The following ZNF750 variants were observed in gnomAD, a reference collection of about 807,000 sequenced individuals.
ZNF750 encodes zinc finger protein 750, also known as protein ZNF750.
Under a neutral mutation model 31.6 loss-of-function variants are expected in ZNF750, and 10 were observed. The ratio of observed to expected loss-of-function variants is 0.32; its 90% CI spans 0.19 to 0.54. ZNF750 has a LOEUF of 0.54. Among genes scored for constraint, ZNF750 ranks in the 20% least tolerant of loss-of-function variants. The pLI is 0.95. For missense variants in ZNF750, 914 were observed against 934.9 expected (o/e 0.98, Z 0.29); for synonymous variants, 400 against 404.9 (o/e 0.99, Z 0.15).
chr17:82,839,053 T>G, intron 1 of ZNF750: 1 of 880,038 alleles, frequency 1.1e-6, no homozygotes, highest in Non-Finnish European at 1.4e-6. Flanking sequence ...ACAGAAGACC[T>G]TAACAACCAA....
Position 82,832,617 on chromosome 17 carries a change from C to T in ZNF750, c.-163G>A, listed in dbSNP as rs1249691778. 9 of 675,694 alleles carry T rather than the reference C, an allele frequency of 1.3e-5. No individual in the cohort carries two copies. Among genetic ancestry groups the T allele is most frequent in the Admixed American group, 4.9e-5 (2 of 40,738 alleles). 41.9% of individuals were successfully genotyped at this position (675,694 alleles called of 1,614,324 possible). A position where few individuals can be genotyped will look rare whatever the true frequency, so the allele number is the denominator to read the frequency against. ...GTGCTGAGGGTCTGGCGAGAGCCTC[C>T]GTCATCTGGCGGCTGGGAGCTGTAA... On this transcript the variant is annotated 5_prime_UTR_variant, in exon 2 of 3. Coordinates refer to ENST00000269394, the MANE Select transcript of ZNF750 (RefSeq NM_024702.3). The surrounding 1 kb of genome is among the most constrained non-coding windows in gnomAD (Gnocchi z 4.9).
chr17:82,831,901 T>C lies in ZNF750; in HGVS notation c.554A>G (p.His185Arg), dbSNP rs1386739035. ...AGACACGGCCTTGGCAGTGGGGTTG[T>C]GTAAAGCCAGTGTCTCGGGCGCCTC... Reference protein sequence around the residue: ...NAEAPETLALHNPTAKAVSFH... With the variant: ...NAEAPETLALRNPTAKAVSFH... The change falls in exon 2 of 3, where the codon CAC becomes CGC. Residue 185 changes from histidine to arginine, a missense_variant. Transcript: ENST00000269394. The surrounding 1 kb of genome is among the most constrained non-coding windows in gnomAD (Gnocchi z 4.6). 2.5e-6 allele frequency: 4 copies of C among 1,614,024 alleles called. No individual in the cohort carries two copies. In the East Asian group the frequency reaches 6.7e-5, roughly 27 times the overall value.
At chr17:82,834,685 G>A (rs1277627944) in intron 1 of ZNF750, among the ~76,000 whole-genome samples, 1 of 151,888 alleles carries the variant, frequency 6.6e-6, no homozygotes, top group Non-Finnish European at 1.5e-5. Context: ...CATGGACACA[G>A]GGAGGGGAAC....
intron 1 of ZNF750, among the ~76,000 whole-genome samples, chr17:82,834,438 A>G (rs1471428467): frequency 6.6e-6 from 1 of 152,252 alleles, no homozygotes; most frequent in Non-Finnish European, 1.5e-5. Flanking sequence ...AATATTTTCA[A>G]ACAGCTTAAA....
At position 82,830,380 on chromosome 17, in the gene ZNF750, C is replaced by A. The variant is rs1378356223; in HGVS notation, c.1934G>T (p.Ser645Ile). 1.2e-6 allele frequency: 2 copies of A among 1,612,574 alleles called. No individual in the cohort carries two copies. Among genetic ancestry groups the A allele is most frequent in the African/African-American group, 2.7e-5 (2 of 74,948 alleles). ...ATCGCCCACCCGGATGTTCCTGGGGCTGTAGGCCGCCAGCTGGCACAGGGC... is the reference window on the plus strand; with the variant it reads ...ATCGCCCACCCGGATGTTCCTGGGGATGTAGGCCGCCAGCTGGCACAGGGC... Reference protein sequence around the residue: ...AVALCQLAAYSPRNIRVGDGD... With the variant: ...AVALCQLAAYIPRNIRVGDGD... Residue 645 changes from serine (S) to isoleucine (I), a missense_variant, in exon 3 of 3, where the codon AGC (serine) becomes ATC (isoleucine). By Grantham distance (142) the Ser-to-Ile change is moderately radical. Coordinates refer to ENST00000269394, the MANE Select transcript of ZNF750 (RefSeq NM_024702.3).
rs1012642778 is a variant in ZNF750, at chr17:82,836,697, A to C, written c.-183+3230T>G. Among the ~76,000 whole-genome samples, 4 of 143,264 alleles carry C rather than the reference A, an allele frequency of 2.8e-5. No individual in the cohort carries two copies. In the South Asian group the frequency reaches 6.2e-4, roughly 22 times the overall value. The allele number at this position is 143,264 out of a possible 152,430, so 94.0% of individuals were successfully genotyped here. ...GCTGATACTTTTAGGCAAAAAAAAA[A>C]ACAAAACAAAACAAAACCAAAAAAC... On this transcript the variant is annotated intron_variant, in intron 1 of 2. Transcript: ENST00000269394.
At position 82,835,303 on chromosome 17, in the gene ZNF750, C is replaced by T. The variant is rs538351849; in HGVS notation, c.-182-2667G>A. 2.6e-5 allele frequency among the ~76,000 whole-genome samples: 4 copies of T among 152,314 alleles called. No individual in the cohort carries two copies. The highest frequency in any genetic ancestry group is 9.6e-5 in the African/African-American group (4 of 41,564). ...TCCTCCCTGCACCCGTGTCCTTCCT[C>T]CCACACGCCAGGGGCCAGGGGTGGT... On this transcript the variant is annotated intron_variant, in intron 1 of 2. Coordinates refer to ENST00000269394, the MANE Select transcript of ZNF750 (RefSeq NM_024702.3). This position sits in a 1 kb window ranked among gnomAD's most constrained non-coding sequence, Gnocchi z 4.5.
chr17:82,838,591 C>T (rs2054186367), intron 1 of ZNF750: 1 of 948,474 alleles, frequency 1.1e-6, no homozygotes, highest in Non-Finnish European at 1.3e-6. Flanking sequence ...CCATTGTCGC[C>T]TACCCACTGT....
chr17:82,838,818 G>A (rs768439170), intron 1 of ZNF750: 5 of 985,412 alleles, frequency 5.1e-6, no homozygotes, highest in Middle Eastern at 5.2e-4. Context: ...AGGAGATCCC[G>A]AGTTACAGAC....
In ZNF750 at chr17:82,833,712, C is replaced by T. The variant is rs578227737; in HGVS notation, c.-182-1076G>A. Reference sequence around the variant, plus strand: ...AGAGGAGACCAGAGTGAGTAGTATCCGCTTTAGAGATGGTTGGGTCATGGG... The same window carrying T: ...AGAGGAGACCAGAGTGAGTAGTATCTGCTTTAGAGATGGTTGGGTCATGGG... On this transcript the variant is annotated intron_variant, in intron 1 of 2. Coordinates refer to ENST00000269394, the MANE Select transcript of ZNF750 (RefSeq NM_024702.3). This position sits in a 1 kb window ranked among gnomAD's most constrained non-coding sequence, Gnocchi z 4.7. Among the ~76,000 whole-genome samples the T allele has an allele frequency of 3.6e-4, 55 of 152,218 alleles. 1 individual carries two copies. Among genetic ancestry groups the T allele is most frequent in the African/African-American group, 1.3e-3 (53 of 41,524 alleles).
chr17:82,833,941 A>G lies in ZNF750; in HGVS notation c.-182-1305T>C, dbSNP rs909065793. Among the ~76,000 whole-genome samples the G allele has an allele frequency of 1.3e-5, 2 of 149,724 alleles. No individual in the cohort carries two copies. The highest frequency in any genetic ancestry group is 1.3e-4 in the Admixed American group (2 of 15,088). ...GTGCCGCACGCCCAAGGCTGAGAAC[A>G]AAGGCTGTTTTTCTTTTTTTGAGAC... On this transcript the variant is annotated intron_variant, in intron 1 of 2. Transcript: ENST00000269394. This position sits in a 1 kb window ranked among gnomAD's most constrained non-coding sequence, Gnocchi z 4.7.
At chr17:82,834,244 G>A (rs112430806) in intron 1 of ZNF750, among the ~76,000 whole-genome samples, 6 of 152,276 alleles carry the variant, frequency 3.9e-5, no homozygotes, top group African/African-American at 1.4e-4. Context: ...CACCGCACCC[G>A]TCCCAGAACA....
At position 82,830,337 on chromosome 17, in the gene ZNF750, C is replaced by T. The variant is rs777828033; in HGVS notation, c.1977G>A (p.Pro659=). The T allele has an allele frequency of 1.2e-6, 2 of 1,613,900 alleles. No homozygotes were observed. Among genetic ancestry groups the T allele is most frequent in the East Asian group, 2.2e-5 (1 of 44,892 alleles). The change falls in exon 3 of 3, where the codon CCG becomes CCA. Residue 659 remains proline (P), a synonymous_variant. Transcript: ENST00000269394. ...GTGTGTCTTGCCGGCAGGCAGGTTC[C>T]GGGGCCGCAGCATCCCCATCGCCCA... ...IRVGDGDAAA[P]EPACRQDTPT...
rs1023047516 is a variant in ZNF750, at chr17:82,832,513, C to T, written c.-59G>A. 6.4e-5 allele frequency: 94 copies of T among 1,472,064 alleles called. 1 individual carries two copies. Among genetic ancestry groups the T allele is most frequent in the African/African-American group, 4.4e-4 (32 of 72,438 alleles). The allele number at this position is 1,472,064 out of a possible 1,614,324, so 91.2% of individuals were successfully genotyped here. A position where few individuals can be genotyped will look rare whatever the true frequency, so the allele number is the denominator to read the frequency against. ...GGTGGCGTGATCACTGTCGACGCCG[C>T]GTGCACTTCGTGGTTTCTAAAGAGG... On this transcript the variant is annotated 5_prime_UTR_variant, in exon 2 of 3. Coordinates refer to ENST00000269394, the MANE Select transcript of ZNF750 (RefSeq NM_024702.3). The surrounding 1 kb of genome is among the most constrained non-coding windows in gnomAD (Gnocchi z 4.9).
rs746485705 is a variant in ZNF750, at chr17:82,830,447, C to G, written c.1867G>C (p.Ala623Pro). ...TTCTGCTCCTCGCTGCTGTCCACCGCGCATGCGTCTGGAGCCTCCTCGCCG... is the reference window on the plus strand; with the variant it reads ...TTCTGCTCCTCGCTGCTGTCCACCGGGCATGCGTCTGGAGCCTCCTCGCCG... The part of the protein sequence containing the change: ...GPGEEAPDAC[A>P]VDSSEEQKQT... The change falls in exon 3 of 3, where the codon GCG (alanine) becomes CCG (proline). Residue 623 changes from alanine (A) to proline (P), a missense_variant. Transcript: ENST00000269394. 2.5e-6 allele frequency: 4 copies of G among 1,612,388 alleles called. No individual in the cohort carries two copies. Among genetic ancestry groups the G allele is most frequent in the Admixed American group, 3.3e-5 (2 of 60,004 alleles).
rs140969676 is a variant in ZNF750, at chr17:82,833,586, G to A, written c.-182-950C>T. Among the ~76,000 whole-genome samples, 895 of 152,322 alleles carry A rather than the reference G, an allele frequency of 5.9e-3. 3 individuals are homozygous for A. The highest frequency in any genetic ancestry group is 7.8e-3 in the Non-Finnish European group (529 of 68,038). On this transcript the variant is annotated intron_variant, in intron 1 of 2. Transcript: ENST00000269394. This position sits in a 1 kb window ranked among gnomAD's most constrained non-coding sequence, Gnocchi z 4.7. ...CAGCATTGTGAGACATGCTTTCACG[G>A]TCACCCGGTTCCTGCTGGCCAGGAG...
intron 1 of ZNF750, among the ~76,000 whole-genome samples, chr17:82,839,264 C>CAT (rs916708412): frequency 1.3e-5 from 2 of 152,172 alleles, no homozygotes; most frequent in Admixed American, 6.5e-5. Context: ...ATACACCACA[C>CAT]ATATATATAA....
Position 82,831,654 on chromosome 17 carries a change from C to T in ZNF750, c.801G>A (p.Glu267=). Reference sequence around the variant, plus strand: ...AGACTGACAGCAGGGGTGCGTCACACTCAGGCGAGCTCCCAGCCAGCAGGT... The same window carrying T: ...AGACTGACAGCAGGGGTGCGTCACATTCAGGCGAGCTCCCAGCCAGCAGGT... The part of the protein sequence containing the change: ...SPYLLAGSSP[E]CDAPLLSVYG... The change falls in exon 2 of 3, where the codon GAG becomes GAA. Residue 267 remains glutamate (E), a synonymous_variant. Transcript: ENST00000269394. This position sits in a 1 kb window ranked among gnomAD's most constrained non-coding sequence, Gnocchi z 4.6. 1 of 1,614,142 alleles carries T rather than the reference C, an allele frequency of 6.2e-7. No individual in the cohort carries two copies. Among genetic ancestry groups the T allele is most frequent in the East Asian group, 2.2e-5 (1 of 44,880 alleles).
intron 1 of ZNF750, among the ~76,000 whole-genome samples, chr17:82,836,605 G>A (rs564689025): frequency 6.6e-6 from 1 of 151,688 alleles, no homozygotes; most frequent in East Asian, 1.9e-4. Context: ...GCTCAGAGGA[G>A]CAAATGATTC....
Sources: allele counts gnomAD v4.1 joint callset (sites outside exome capture counted in the v4.1 genomes callset), GRCh38; gene constraint gnomAD v4.1.1; non-coding constraint Gnocchi (gnomAD v3.1); transcripts MANE v1.5; gene names NCBI Gene and HGNC (gene_info 2026-07-23, HGNC 2026-07-21).